PHACTR1: variants seen among roughly 807,000 people sequenced by gnomAD.
The protein encoded by PHACTR1 is RPEL repeat containing 1.
Under a neutral mutation model 69.2 loss-of-function variants are expected in PHACTR1, and 16 were observed. The ratio of observed to expected loss-of-function variants is 0.23; its 90% confidence interval spans 0.16 to 0.35. The LOEUF is 0.35. Among genes scored for constraint, PHACTR1 ranks in the 10% least tolerant of loss-of-function variants. The probability of loss-of-function intolerance (pLI) is 1.00; values close to 1 mark genes in which losing one functional copy is unlikely to be tolerated. For synonymous variants in PHACTR1, 312 were observed against 284.5 expected (o/e 1.10, Z -0.97); for missense variants, 510 against 734.7 (o/e 0.69, Z 3.54).
rs900067129 is a variant in PHACTR1, at chr6:12,768,491, G to C, written c.250+18701G>C. On this transcript the variant is annotated intron_variant, in intron 4 of 14. Transcript: ENST00000332995. The stretch of plus-strand genomic sequence containing the variant: ...CCTGTGGTGTAACAGATCCTGCGAA[G>C]AGAGACCTTTAGAATGGAGATTGGA... 7.2e-5 allele frequency among the ~76,000 whole-genome samples: 11 copies of C among 152,302 alleles called. 1 individual carries two copies. In the South Asian group the frequency reaches 8.3e-4, roughly 11 times the overall value.
intron 4 of PHACTR1, among the ~76,000 whole-genome samples, chr6:12,915,048 T>A (rs141023093): frequency 6.6e-6 from 1 of 152,322 alleles, no homozygotes; most frequent in African/African-American, 2.4e-5. Flanking sequence ...ATGTCTTGTC[T>A]GCATAAAGAC....
chr6:12,910,396 C>T (rs1562002659), intron 4 of PHACTR1, among the ~76,000 whole-genome samples: 1 of 152,108 alleles, frequency 6.6e-6, no homozygotes, highest in Non-Finnish European at 1.5e-5. Context: ...GATACCAGGC[C>T]AATGAGAATT....
intron 4 of PHACTR1, among the ~76,000 whole-genome samples, chr6:12,981,119 C>T (rs1216019049): frequency 6.6e-6 from 1 of 152,216 alleles, no homozygotes; most frequent in African/African-American, 2.4e-5. Context: ...TGCATTTAAT[C>T]TATCTTCTTG....
chr6:13,050,175 T>C (rs940728812), intron 4 of PHACTR1, among the ~76,000 whole-genome samples: 17 of 152,234 alleles, frequency 1.1e-4, no homozygotes, highest in African/African-American at 4.1e-4. Flanking sequence ...TGATGCCTTT[T>C]AAAAAGCAGA....
At chr6:13,023,655 ATCT>A (rs1801295932) in intron 4 of PHACTR1, among the ~76,000 whole-genome samples, 1 of 152,234 alleles carries the variant, frequency 6.6e-6, no homozygotes, top group Admixed American at 6.5e-5. Flanking sequence ...GTGAAGCACC[ATCT>A]TCTTTTGATG....
chr6:12,875,432 AG>A (rs1307407504), intron 4 of PHACTR1, among the ~76,000 whole-genome samples: 1 of 152,218 alleles, frequency 6.6e-6, no homozygotes, highest in East Asian at 1.9e-4. Context: ...AAGCAGAATT[AG>A]GTGAATTTGC....
chr6:12,861,947 T>C (rs1486280333), intron 4 of PHACTR1, among the ~76,000 whole-genome samples: 1 of 152,212 alleles, frequency 6.6e-6, no homozygotes, highest in East Asian at 1.9e-4. Flanking sequence ...TAAAGTACCA[T>C]GTATGTATTA....
At chr6:12,942,721 A>G (rs1269113811) in intron 4 of PHACTR1, among the ~76,000 whole-genome samples, 1 of 152,238 alleles carries the variant, frequency 6.6e-6, no homozygotes, top group Admixed American at 6.5e-5. Flanking sequence ...GAATTCATAC[A>G]GTCCAACTCC....
intron 13 of PHACTR1, among the ~76,000 whole-genome samples, chr6:13,284,543 A>ATATATAGATACACGT (rs1307782343): frequency 1.6e-5 from 1 of 61,364 alleles, no homozygotes; most frequent in African/African-American, 1.1e-4. Flanking sequence ...AAAAAAAAAA[A>ATATATAGATACACGT]ATATATATAT....
At chr6:13,072,426 CA>C (rs1809673818) in intron 5 of PHACTR1, among the ~76,000 whole-genome samples, 1 of 152,156 alleles carries the variant, frequency 6.6e-6, no homozygotes, top group Non-Finnish European at 1.5e-5. Flanking sequence ...AAAGCAGAGA[CA>C]AAAATGCACC....
At chr6:13,231,216 AAAAGAAAGAAGGAAAGAGAG>A (rs1562037927) in intron 10 of PHACTR1, among the ~76,000 whole-genome samples, 1 of 145,920 alleles carries the variant, frequency 6.9e-6, no homozygotes, top group Non-Finnish European at 1.5e-5. Flanking sequence ...GAAGGAAGGG[AAAAGAAAGAAGGAAAGAGAG>A]AAAGAAAGAA....
At chr6:12,728,181 T>G (rs1271978770) in intron 3 of PHACTR1, among the ~76,000 whole-genome samples, 1 of 152,060 alleles carries the variant, frequency 6.6e-6, no homozygotes, top group Admixed American at 6.6e-5. Context: ...TAGCTAGGCA[T>G]GGTAGTGGAC....
chr6:13,160,922 C>T (rs1758898162), intron 6 of PHACTR1, among the ~76,000 whole-genome samples: 2 of 152,198 alleles, frequency 1.3e-5, no homozygotes, highest in African/African-American at 4.8e-5. Context: ...CAGTGAACTA[C>T]ATGGCATATG....
intron 6 of PHACTR1, among the ~76,000 whole-genome samples, chr6:13,168,677 G>A (rs964673554): frequency 6.6e-6 from 1 of 152,186 alleles, no homozygotes; most frequent in Non-Finnish European, 1.5e-5. Context: ...ATCTTGGAAG[G>A]AGTGGTATCT....
At chr6:13,227,607 C>T (rs1030192082) in intron 8 of PHACTR1, among the ~76,000 whole-genome samples, 4 of 152,160 alleles carry the variant, frequency 2.6e-5, no homozygotes, top group African/African-American at 9.7e-5. Flanking sequence ...CTATTCCCAT[C>T]AGGAAACCGT....
At chr6:13,259,988 C>T (rs1429153042) in intron 10 of PHACTR1, among the ~76,000 whole-genome samples, 1 of 152,186 alleles carries the variant, frequency 6.6e-6, no homozygotes, top group African/African-American at 2.4e-5. Context: ...CCCAGCAGCC[C>T]CTCTTCTGTG....
At position 13,213,265 on chromosome 6, in the gene PHACTR1, A is replaced by G. The variant is rs111437061; in HGVS notation, c.986+7129A>G. Among the ~76,000 whole-genome samples the G allele has an allele frequency of 3.3e-3, 500 of 152,226 alleles. 4 individuals are homozygous for G. Among genetic ancestry groups the G allele is most frequent in the African/African-American group, 0.011 (472 of 41,536 alleles). ...GTATTAGTGGTCTTTAACCTTTTAT[A>G]TTTTCTTTATTCTAACAATTTGAAC... On this transcript the variant is annotated intron_variant, in intron 8 of 14. Coordinates refer to ENST00000332995, the MANE Select transcript of PHACTR1 (RefSeq NM_030948.6).
At chr6:13,097,076 T>A (rs13200673) in intron 5 of PHACTR1, among the ~76,000 whole-genome samples, 24 of 152,126 alleles carry the variant, frequency 1.6e-4, no homozygotes, top group African/African-American at 3.9e-4. Flanking sequence ...GGAAACATAA[T>A]GCAAATTTTG....
chr6:12,881,009 A>C (rs1273498726), intron 4 of PHACTR1, among the ~76,000 whole-genome samples: 7 of 152,216 alleles, frequency 4.6e-5, no homozygotes, highest in African/African-American at 1.7e-4. Context: ...CAGTTTCTTC[A>C]TCTGTAAAAT....
Sources: allele counts gnomAD v4.1 joint callset (sites outside exome capture counted in the v4.1 genomes callset), GRCh38; gene constraint gnomAD v4.1.1; transcripts MANE v1.5; gene names NCBI Gene and HGNC (gene_info 2026-07-23, HGNC 2026-07-21).